Variants in STAU1 observed in about 807,000 individuals in gnomAD.
The protein encoded by STAU1 is staufen double-stranded RNA binding protein 1.
A neutral mutation model predicts 62.9 loss-of-function variants in STAU1; 13 were observed. That is an observed-to-expected ratio of 0.21 (90% CI 0.13 to 0.33). The LOEUF is 0.33. STAU1 is among the 10% of genes least tolerant of loss of function. The pLI, the probability that STAU1 is intolerant of heterozygous loss-of-function variation, is 1.00. For missense variants in STAU1, 571 were observed against 712.1 expected (o/e 0.80, Z 2.25); for synonymous variants, 269 against 265.1 (o/e 1.01, Z -0.14).
At chr20:49,199,913 T>C in the STAU1 span, among the ~76,000 whole-genome samples, 1 of 152,206 alleles carries the variant, frequency 6.6e-6, no homozygotes, top group Admixed American at 6.6e-5. Flanking sequence ...TCTCACTATA[T>C]TGCCCAGGCT....
chr20:49,196,208 G>A, the STAU1 span, among the ~76,000 whole-genome samples: 1 of 147,240 alleles, frequency 6.8e-6, no homozygotes, highest in Non-Finnish European at 1.5e-5. Flanking sequence ...AGGCCGAGGC[G>A]GGCGGATCAC....
chr20:49,153,921 AAAAAC>A lies in STAU1; in HGVS notation c.344+7_344+11del. ...CTGTATTTTACAAAAAAAAAAAAAA[AAAAAC>A]ACATACCTCGGGGGATAAGCACCTC... is the stretch of plus-strand genomic sequence containing the variant. On this transcript the variant is annotated splice_region_variant and intron_variant, in intron 4 of 13. Coordinates refer to ENST00000371856, the MANE Select transcript of STAU1 (RefSeq NM_017453.4). The A allele has an allele frequency of 1.3e-6, 2 of 1,560,052 alleles. No homozygotes were observed. Among genetic ancestry groups the A allele is most frequent in the South Asian group, 1.2e-5 (1 of 81,504 alleles).
At chr20:49,157,603 C>A (rs2093381760) in intron 3 of STAU1, among the ~76,000 whole-genome samples, 1 of 152,126 alleles carries the variant, frequency 6.6e-6, no homozygotes, top group African/African-American at 2.4e-5. Context: ...CCTCAGCCTC[C>A]TGAGTAGCTG....
the STAU1 span, among the ~76,000 whole-genome samples, chr20:49,206,717 TTTTATA>T: frequency 1.2e-3 from 53 of 45,146 alleles, no homozygotes; most frequent in South Asian, 9.5e-3. Context: ...TTAAATGAAA[TTTTATA>T]TATATATATA....
At chr20:49,153,199 G>A (rs113616159) in intron 4 of STAU1, among the ~76,000 whole-genome samples, 154 of 144,666 alleles carry the variant, frequency 1.1e-3, no homozygotes, top group Non-Finnish European at 1.9e-3. Context: ...GCAGTGAGCC[G>A]AGATCATGCC....
At chr20:49,195,899 AAAAAAAAAAAAAAAAAAAGAAAAAAG>A in the STAU1 span, among the ~76,000 whole-genome samples, 3 of 36,076 alleles carry the variant, frequency 8.3e-5, no homozygotes, top group Non-Finnish European at 2.3e-4. Context: ...ACTTCCTCTC[AAAAAAAAAAAAAAAAAAAGAAAAAAG>A]AAAAAAAAAA....
In STAU1 at chr20:49,114,596, G is replaced by GATCATTC; in HGVS notation, c.*281_*282insGAATGAT. 2.3e-6 allele frequency: 1 copy of GATCATTC among 429,140 alleles called. No homozygotes were observed. Among genetic ancestry groups the GATCATTC allele is most frequent in the South Asian group, 5.1e-5 (1 of 19,570 alleles). The allele number at this position is 429,140 out of a possible 1,614,324, so 26.6% of individuals were successfully genotyped here. A position where few individuals can be genotyped will look rare whatever the true frequency, so the allele number is the denominator to read the frequency against. On this transcript the variant is annotated 3_prime_UTR_variant, in exon 14 of 14. Coordinates refer to ENST00000371856, the MANE Select transcript of STAU1 (RefSeq NM_017453.4). ...AGGGTGTGGATCTGCTGGTGTCCCG[G>GATCATTC]GAGAACCAGCTGGCTGGGCAGCCCT...
intron 4 of STAU1, among the ~76,000 whole-genome samples, chr20:49,152,643 A>G (rs2093275085): frequency 6.6e-6 from 1 of 152,010 alleles, no homozygotes; most frequent in Non-Finnish European, 1.5e-5. Flanking sequence ...CCTGGCCTCC[A>G]CTAATGTCTT....
At chr20:49,125,663 G>A (rs2092595254) in intron 6 of STAU1, among the ~76,000 whole-genome samples, 1 of 151,872 alleles carries the variant, frequency 6.6e-6, no homozygotes, top group African/African-American at 2.4e-5. Flanking sequence ...TGGCTAACAT[G>A]GTGAAACCCC....
At chr20:49,152,767 T>C (rs1450291811) in intron 4 of STAU1, among the ~76,000 whole-genome samples, 1 of 152,186 alleles carries the variant, frequency 6.6e-6, no homozygotes, top group Non-Finnish European at 1.5e-5. Context: ...AAGTACCCAA[T>C]AATCAGGTAA....
At chr20:49,203,424 G>A in the STAU1 span, among the ~76,000 whole-genome samples, 1 of 151,952 alleles carries the variant, frequency 6.6e-6, no homozygotes, top group East Asian at 1.9e-4. Context: ...TTTGAGGAGG[G>A]AAAATCAATA....
At chr20:49,156,113 T>C (rs1490112185) in intron 3 of STAU1, among the ~76,000 whole-genome samples, 1 of 152,196 alleles carries the variant, frequency 6.6e-6, no homozygotes, top group Non-Finnish European at 1.5e-5. Flanking sequence ...TTTTAATAAC[T>C]AAGAGACATA....
intron 3 of STAU1, among the ~76,000 whole-genome samples, chr20:49,158,680 T>C (rs2093402261): frequency 6.6e-6 from 1 of 151,804 alleles, no homozygotes; most frequent in Non-Finnish European, 1.5e-5. Context: ...CGTGGTGGCA[T>C]GCACCTGTAA....
chr20:49,151,857 G>A, intron 4 of STAU1, 110 bp from the exon 5 acceptor site: 2 of 922,846 alleles, frequency 2.2e-6, no homozygotes, highest in South Asian at 1.9e-5. Context: ...TCACATTAGT[G>A]TTTGATGCTA....
chr20:49,136,017 T>C, intron 5 of STAU1, 86 bp from the exon 6 acceptor site: 2 of 1,040,442 alleles, frequency 1.9e-6, no homozygotes, highest in Non-Finnish European at 2.8e-6. Flanking sequence ...TCCCAGCACT[T>C]TGAAGGCTAA....
At chr20:49,148,675 C>G (rs2093178051) in intron 5 of STAU1, among the ~76,000 whole-genome samples, 1 of 152,224 alleles carries the variant, frequency 6.6e-6, no homozygotes, top group Admixed American at 6.5e-5. Flanking sequence ...AAACACCACT[C>G]CCAGCAAAGC....
chr20:49,135,071 A>C, intron 6 of STAU1: 1 of 1,167,734 alleles, frequency 8.6e-7, no homozygotes, highest in South Asian at 1.2e-5. Flanking sequence ...TTCCAGCAAG[A>C]TGTACACAAT....
At chr20:49,135,659 C>A (rs1169721504) in intron 6 of STAU1, among the ~76,000 whole-genome samples, 174 bp downstream of exon 6, 1 of 152,138 alleles carries the variant, frequency 6.6e-6, no homozygotes, top group African/African-American at 2.4e-5. Flanking sequence ...TAGTTACGGA[C>A]TCCCAGAAGA....
At chr20:49,186,039 T>G (rs1172787428) in intron 1 of STAU1, among the ~76,000 whole-genome samples, 1 of 151,916 alleles carries the variant, frequency 6.6e-6, no homozygotes, top group Non-Finnish European at 1.5e-5. Context: ...GACCTCGTGA[T>G]CCACCCGCCT....
Sources: gnomAD v4.1 joint callset for allele counts (sites outside exome capture counted in the v4.1 genomes callset) on GRCh38, gnomAD v4.1.1 for gene constraint, MANE v1.5 for transcripts, NCBI Gene and HGNC (gene_info 2026-07-23, HGNC 2026-07-21) for gene names.